GPM6B: variants seen among roughly 807,000 people sequenced by gnomAD.
GPM6B encodes the protein glycoprotein M6B.
Under a neutral mutation model 27.2 loss-of-function variants are expected in GPM6B, and 4 were observed. The ratio of observed to expected loss-of-function variants is 0.15; its 90% CI spans 0.07 to 0.34. GPM6B has a LOEUF of 0.34. Ranked by LOEUF, GPM6B falls within the 10% of genes least tolerant of loss-of-function variation. GPM6B has a pLI of 1.00. For synonymous variants in GPM6B, 124 were observed against 103.1 expected, an observed-to-expected ratio of 1.20 and a Z score of -1.23; for missense variants, 183 against 261.9, an observed-to-expected ratio of 0.70 and a Z score of 2.08.
At chrX:13,897,613 C>G (rs961932100) in intron 1 of GPM6B, among the ~76,000 whole-genome samples, 4 of 112,046 alleles carry the variant, frequency 3.6e-5, no homozygotes, top group African/African-American at 1.3e-4. Context: ...GGGGAAAATC[C>G]TCCACAGTGA....
At chrX:13,845,565 AG>A (rs1894959762) in intron 1 of GPM6B, among the ~76,000 whole-genome samples, 1 of 112,235 alleles carries the variant, frequency 8.9e-6, no homozygotes, top group South Asian at 3.7e-4. Flanking sequence ...TAACTTAAAA[AG>A]TTATTTAGAT....
At chrX:13,876,095 T>G (rs1293829404) in intron 1 of GPM6B, among the ~76,000 whole-genome samples, 1 of 112,342 alleles carries the variant, frequency 8.9e-6, no homozygotes, top group Non-Finnish European at 1.9e-5. Flanking sequence ...ACATGCTGAG[T>G]TACAACGATG....
intron 1 of GPM6B, among the ~76,000 whole-genome samples, chrX:13,872,767 A>G (rs73197734): frequency 0.022 from 2,388 of 111,019 alleles, 29 homozygotes; most frequent in Admixed American, 0.038. Flanking sequence ...CAGAAGTGAA[A>G]AGGATCCTAG....
chrX:13,861,025 CACACACACACACACACACAT>C lies in GPM6B; in HGVS notation c.-197-75237_-197-75218del, dbSNP rs1379212057. ...GTGCATACACACACACACACACACACACACACACACACACACACATATATACATATATATACACATACATA... is the reference window on the plus strand; with the variant it reads ...GTGCATACACACACACACACACACACATATACATATATATACACATACATA... On this transcript the variant is annotated intron_variant, in intron 1 of 6. Transcript: ENST00000398361. Among the ~76,000 whole-genome samples the C allele has an allele frequency of 7.4e-3, 624 of 83,895 alleles. 8 individuals are homozygous for C. The highest frequency in any genetic ancestry group is 0.036 in the African/African-American group (577 of 16,130). 72.9% of individuals were successfully genotyped at this position (83,895 alleles called of 115,157 possible).
intron 7 of GPM6B, chrX:13,773,310 CTTTT>C (rs11305581): frequency 1.9e-4 from 25 of 133,932 alleles, no homozygotes; most frequent in East Asian, 5.8e-4. Flanking sequence ...CGAGAGGGTG[CTTTT>C]TTTTTTTTTT....
intron 1 of GPM6B, among the ~76,000 whole-genome samples, chrX:13,878,694 C>T (rs769075295): frequency 1.8e-4 from 20 of 111,633 alleles, no homozygotes; most frequent in African/African-American, 5.5e-4. Context: ...ACATGGCAAA[C>T]GGGGGATTAA....
chrX:13,787,553 T>C (rs144522821), intron 2 of GPM6B, among the ~76,000 whole-genome samples: 2,139 of 111,438 alleles, frequency 0.019, 39 homozygotes, highest in South Asian at 0.065. Context: ...CAAGACTCCG[T>C]CTCAAAAAAA....
intron 1 of GPM6B, among the ~76,000 whole-genome samples, chrX:13,901,919 T>TA (rs1027091621): frequency 2.0e-4 from 22 of 112,066 alleles, no homozygotes; most frequent in Non-Finnish European, 3.9e-4. Context: ...TGTTTTATTT[T>TA]AAAAAAAGAA....
intron 1 of GPM6B, among the ~76,000 whole-genome samples, chrX:13,891,417 C>CA (rs5901523): frequency 1.5e-3 from 162 of 106,342 alleles, no homozygotes; most frequent in African/African-American, 3.1e-3. Flanking sequence ...AGATAGAAAC[C>CA]AAAAAAAAAC....
intron 1 of GPM6B, among the ~76,000 whole-genome samples, chrX:13,927,939 T>TA (rs1393641121): frequency 8.9e-6 from 1 of 112,139 alleles, no homozygotes; most frequent in Non-Finnish European, 1.9e-5. Context: ...CCACTTAAAA[T>TA]AGAGGGTAGG....
In GPM6B at chrX:13,817,074, G is replaced by C. The variant is rs2049250465; in HGVS notation, c.-170C>G. 1.4e-5 allele frequency: 14 copies of C among 1,026,826 alleles called. No individual in the cohort carries two copies. Among genetic ancestry groups the C allele is most frequent in the Non-Finnish European group, 1.7e-5 (14 of 807,900 alleles). The allele number at this position is 1,026,826 out of a possible 1,213,427, so 84.6% of individuals were successfully genotyped here. A position where few individuals can be genotyped will look rare whatever the true frequency, so the allele number is the denominator to read the frequency against. Reference sequence around the variant, plus strand: ...GTCCCTTCCAAGATGCAAAAGTCTTGTCAGCGTCAATTTCGCTCTGCCTAC... The same window carrying C: ...GTCCCTTCCAAGATGCAAAAGTCTTCTCAGCGTCAATTTCGCTCTGCCTAC... On this transcript the variant is annotated 5_prime_UTR_variant, in exon 1 of 8. Coordinates refer to ENST00000316715, the MANE Select transcript of GPM6B (RefSeq NM_001001995.3).
intron 1 of GPM6B, among the ~76,000 whole-genome samples, chrX:13,808,853 T>G (rs1456173015): frequency 8.9e-6 from 1 of 111,812 alleles, no homozygotes; most frequent in Non-Finnish European, 1.9e-5. Flanking sequence ...CTCTGAAAAC[T>G]TGTAAGGTAT....
At chrX:13,904,330 C>T (rs911417065) in intron 1 of GPM6B, among the ~76,000 whole-genome samples, 6 of 111,626 alleles carry the variant, frequency 5.4e-5, no homozygotes, top group Non-Finnish European at 1.1e-4. Context: ...TATTAATGAC[C>T]AAAGTCACAA....
intron 2 of GPM6B, among the ~76,000 whole-genome samples, chrX:13,807,070 A>T (rs1569219930): frequency 8.9e-6 from 1 of 112,341 alleles, no homozygotes; most frequent in Non-Finnish European, 1.9e-5. Context: ...GTTCCTCACG[A>T]GCAAGGAAAA....
chrX:13,853,025 C>T (rs1412055455), intron 1 of GPM6B, among the ~76,000 whole-genome samples: 2 of 110,938 alleles, frequency 1.8e-5, no homozygotes, highest in Non-Finnish European at 1.9e-5. Flanking sequence ...AATCCTGGAT[C>T]AAAGGGTCAA....
intron 1 of GPM6B, among the ~76,000 whole-genome samples, chrX:13,892,145 T>C (rs771128131): frequency 2.7e-5 from 3 of 111,905 alleles, no homozygotes; most frequent in Non-Finnish European, 5.6e-5. Flanking sequence ...CTTGGTGCTA[T>C]GACAGAATTT....
chrX:13,914,604 G>A (rs1302818610), intron 1 of GPM6B, among the ~76,000 whole-genome samples: 1 of 112,789 alleles, frequency 8.9e-6, no homozygotes, highest in Non-Finnish European at 1.9e-5. Context: ...TTGGGGAGGA[G>A]TGTCCCTGTG....
intron 1 of GPM6B, among the ~76,000 whole-genome samples, chrX:13,908,130 C>A (rs1017491417): frequency 9.9e-5 from 11 of 111,536 alleles, no homozygotes; most frequent in Non-Finnish European, 2.1e-4. Context: ...GGAGGCAATG[C>A]ATGTGTGAGG....
At position 13,908,800 on chromosome X, in the gene GPM6B, A is replaced by G. The variant is rs1439485873; in HGVS notation, c.-198+29527T>C. On this transcript the variant is annotated intron_variant, in intron 1 of 6. Coordinates refer to the GPM6B transcript ENST00000398361. ...GGATCAAATTTGGTTCAGCATGCAT[A>G]TGGAGATACATATCTTAGAAACGTC... Among the ~76,000 whole-genome samples the G allele has an allele frequency of 4.4e-5, 5 of 112,574 alleles. No homozygotes were observed. The Admixed American group carries it at 4.7e-4, about 11-fold the overall frequency.
Sources: gnomAD v4.1 joint callset for allele counts (sites outside exome capture counted in the v4.1 genomes callset) on GRCh38, gnomAD v4.1.1 for gene constraint, MANE v1.5 for transcripts, NCBI Gene and HGNC (gene_info 2026-07-23, HGNC 2026-07-21) for gene names.